ETV6: variants seen among roughly 807,000 people sequenced by gnomAD.
ETV6 encodes the protein ETS variant transcription factor 6.
ETV6 carries 16 observed loss-of-function variants against 51.1 expected under a neutral mutation model. The observed-to-expected ratio is 0.31, with a 90% CI of 0.21 to 0.48. The LOEUF (loss-of-function observed/expected upper bound fraction) is 0.48. Among genes scored for constraint, ETV6 ranks in the 20% least tolerant of loss-of-function variants. The pLI, the probability that ETV6 is intolerant of heterozygous loss-of-function variation, is 0.99. For synonymous variants in ETV6, 240 were observed against 224.1 expected (o/e 1.07, Z -0.64); for missense variants, 458 against 594.8 (o/e 0.77, Z 2.39).
At chr12:11,786,452 A>G (rs1050417381) in intron 2 of ETV6, among the ~76,000 whole-genome samples, 2 of 152,242 alleles carry the variant, frequency 1.3e-5, no homozygotes, top group Non-Finnish European at 2.9e-5. Flanking sequence ...ATAAAAACAA[A>G]TAATTTGTAG....
chr12:11,838,152 T>G (rs141769988), intron 2 of ETV6, among the ~76,000 whole-genome samples: 192 of 152,322 alleles, frequency 1.3e-3, no homozygotes, highest in African/African-American at 4.5e-3. Flanking sequence ...TGTTGCAAGA[T>G]CACATCATAT....
chr12:11,671,101 C>G (rs1321589276), intron 1 of ETV6, among the ~76,000 whole-genome samples: 1 of 152,088 alleles, frequency 6.6e-6, no homozygotes, highest in Non-Finnish European at 1.5e-5. Flanking sequence ...TCTCATCCCA[C>G]TTGTTCCTGA....
At chr12:11,683,861 A>G (rs1357676617) in intron 1 of ETV6, among the ~76,000 whole-genome samples, 1 of 151,428 alleles carries the variant, frequency 6.6e-6, no homozygotes, top group Non-Finnish European at 1.5e-5. Flanking sequence ...CATAATATGA[A>G]CCTCATATAG....
chr12:11,884,068 C>G (rs1262841980), intron 5 of ETV6, among the ~76,000 whole-genome samples: 2 of 151,972 alleles, frequency 1.3e-5, no homozygotes, highest in Admixed American at 6.5e-5. Context: ...ACCCTTTTTT[C>G]CTTCCAGCCT....
chr12:11,651,814 C>G (rs1013602563), intron 1 of ETV6, among the ~76,000 whole-genome samples: 12 of 152,318 alleles, frequency 7.9e-5, no homozygotes, highest in African/African-American at 2.9e-4. Context: ...AATCTGCCAA[C>G]TACAGATCAG....
chr12:11,697,020 T>A, intron 1 of ETV6, among the ~76,000 whole-genome samples: 1 of 152,224 alleles, frequency 6.6e-6, no homozygotes, highest in East Asian at 1.9e-4. Context: ...TAGGTAATAC[T>A]TCTGTAAATA....
At chr12:11,731,811 A>G (rs1386164688) in intron 1 of ETV6, among the ~76,000 whole-genome samples, 1 of 152,200 alleles carries the variant, frequency 6.6e-6, no homozygotes, top group Non-Finnish European at 1.5e-5. Context: ...TTTAGCTGGT[A>G]TTCTACCAGC....
At chr12:11,839,088 T>A (rs1946354080) in intron 2 of ETV6, 52 bp from the exon 3 acceptor site, 17 of 1,572,218 alleles carry the variant, frequency 1.1e-5, no homozygotes, top group Admixed American at 1.8e-5. Context: ...TCCAGCTGTC[T>A]AACTGACAAG....
intron 2 of ETV6, among the ~76,000 whole-genome samples, chr12:11,788,481 C>T (rs1366641346): frequency 6.6e-6 from 1 of 152,172 alleles, no homozygotes; most frequent in Non-Finnish European, 1.5e-5. Flanking sequence ...TAGCATCTGG[C>T]GCACTCAGTT....
At chr12:11,655,552 TG>T (rs1195716199) in intron 1 of ETV6, among the ~76,000 whole-genome samples, 3 of 152,218 alleles carry the variant, frequency 2.0e-5, no homozygotes. Context: ...TGTTGCTTAC[TG>T]GGGCATCTCA....
chr12:11,751,945 G>T, intron 1 of ETV6: 1 of 398,538 alleles, frequency 2.5e-6, no homozygotes, highest in Non-Finnish European at 5.0e-6. Flanking sequence ...TCTAAATCTA[G>T]AACTTATCTT....
Position 11,892,003 on chromosome 12 carries a change from CAGCTTGGGATT to C in ETV6, c.*967_*977del, listed in dbSNP as rs1479980740. On this transcript the variant is annotated 3_prime_UTR_variant, in exon 8 of 8. Transcript: ENST00000396373. ...GTCCAAGTTATTTGGAAGGCCTCGG[CAGCTTGGGATT>C]AGCTTGGGAGCGCAGCGCTGCAAAG... is the stretch of plus-strand genomic sequence containing the variant. 1.7e-5 allele frequency: 4 copies of C among 233,494 alleles called. No individual in the cohort carries two copies. The highest frequency in any genetic ancestry group is 2.5e-5 in the Non-Finnish European group (3 of 118,502). The allele number at this position is 233,494 out of a possible 1,614,324, so 14.5% of individuals were successfully genotyped here.
intron 3 of ETV6, among the ~76,000 whole-genome samples, chr12:11,850,487 T>C (rs1455715025): frequency 6.6e-6 from 1 of 152,160 alleles, no homozygotes. Context: ...TCCTTAGAGA[T>C]CTACACACCT....
chr12:11,871,711 T>A (rs1178797711), intron 5 of ETV6, among the ~76,000 whole-genome samples: 1 of 152,126 alleles, frequency 6.6e-6, no homozygotes, highest in African/African-American at 2.4e-5. Context: ...CCTGCAGAGT[T>A]AGGGGGTGAG....
chr12:11,667,048 G>A (rs1413660475), intron 1 of ETV6, among the ~76,000 whole-genome samples: 1 of 152,238 alleles, frequency 6.6e-6, no homozygotes, highest in Non-Finnish European at 1.5e-5. Context: ...GTATATGAAT[G>A]TGAAAATACA....
chr12:11,802,154 CT>C (rs1945759796), intron 2 of ETV6, among the ~76,000 whole-genome samples: 1 of 152,184 alleles, frequency 6.6e-6, no homozygotes, highest in South Asian at 2.1e-4. Context: ...ACCTTCAGGG[CT>C]CTGCTGCTGA....
chr12:11,776,415 T>G (rs770283994), intron 2 of ETV6, among the ~76,000 whole-genome samples: 12 of 152,186 alleles, frequency 7.9e-5, no homozygotes, highest in Non-Finnish European at 1.5e-4. Flanking sequence ...AATTTTTTTT[T>G]TTTTCTTTTT....
At chr12:11,670,810 A>G (rs1020438026) in intron 1 of ETV6, among the ~76,000 whole-genome samples, 7 of 152,222 alleles carry the variant, frequency 4.6e-5, no homozygotes, top group African/African-American at 1.7e-4. Flanking sequence ...ATATTATTCT[A>G]CCTAAAGCAT....
intron 1 of ETV6, among the ~76,000 whole-genome samples, chr12:11,692,764 T>C (rs1197994317): frequency 6.6e-6 from 1 of 152,086 alleles, no homozygotes; most frequent in Non-Finnish European, 1.5e-5. Flanking sequence ...TTAGAATGCG[T>C]TATGAGGCCA....
Sources: allele counts gnomAD v4.1 joint callset (sites outside exome capture counted in the v4.1 genomes callset), GRCh38; gene constraint gnomAD v4.1.1; transcripts MANE v1.5; gene names NCBI Gene and HGNC (gene_info 2026-07-23, HGNC 2026-07-21).